HEPH: variants seen among roughly 807,000 people sequenced by gnomAD.
HEPH encodes hephaestin.
HEPH carries 69 observed loss-of-function variants against 80.8 expected under a neutral mutation model. That is an observed-to-expected ratio of 0.85 (90% CI 0.70 to 1.04). The LOEUF is 1.04. Among genes scored for constraint, HEPH ranks in the 50% least tolerant of loss-of-function variants. The pLI, the probability that HEPH is intolerant of heterozygous loss-of-function variation, is 0.00. For synonymous variants in HEPH, 431 were observed against 322.8 expected, an observed-to-expected ratio of 1.34 and a Z score of -3.60; for missense variants, 1,115 against 891.3, an observed-to-expected ratio of 1.25 and a Z score of -3.20.
rs759008542 is a variant in HEPH at position 66,203,533 on chromosome X, C to T, written c.2247C>T (p.Asp749=). The T allele has an allele frequency of 1.3e-5, 16 of 1,210,028 alleles. No homozygotes were observed. The highest frequency in any genetic ancestry group is 1.8e-5 in the Non-Finnish European group (16 of 895,161). The change falls in exon 13 of 21, where the codon GAC becomes GAT. Residue 749 remains aspartate, a synonymous_variant. Coordinates refer to ENST00000343002, the MANE Select transcript of HEPH (RefSeq NM_001367233.3). ...AAGTAGAGTGGGACTATTGCCCTGA[C>T]CGGAGCTGGGAACGGGAATGGCACA... ...AEEVEWDYCP[D]RSWEREWHNQ...
In HEPH at chrX:66,256,416, G is replaced by A. The variant is rs1416382765; in HGVS notation, c.2896+86G>A. Reference sequence around the variant, plus strand: ...TTAATAGGCCTATTGCTACCTAAGGGAACATAATCCCAGAGAGGACACGAA... The same window carrying A: ...TTAATAGGCCTATTGCTACCTAAGGAAACATAATCCCAGAGAGGACACGAA... On this transcript the variant is annotated intron_variant, in intron 17 of 20. Transcript: ENST00000343002. The A allele has an allele frequency of 2.0e-5, 13 of 655,281 alleles. No homozygotes were observed. In the Middle Eastern group the frequency reaches 9.3e-4, roughly 47 times the overall value. 54.0% of individuals were successfully genotyped at this position (655,281 alleles called of 1,213,427 possible). A position where few individuals can be genotyped will look rare whatever the true frequency, so the allele number is the denominator to read the frequency against.
At chrX:66,260,986 C>G (rs1343923676) in intron 19 of HEPH, among the ~76,000 whole-genome samples, 4 of 111,479 alleles carry the variant, frequency 3.6e-5, no homozygotes, top group African/African-American at 1.3e-4. Context: ...CAGGCTGGTT[C>G]TAAACTCTTG....
rs865916948 is a variant in HEPH, at chrX:66,197,841, G to A, written c.1660G>A (p.Val554Met). 8.3e-7 allele frequency: 1 copy of A among 1,209,066 alleles called. No homozygotes were observed. Among genetic ancestry groups the A allele is most frequent in the South Asian group, 1.8e-5 (1 of 56,382 alleles). Residue 554 changes from valine (V) to methionine (M), a missense_variant, in exon 10 of 21, where the codon GTG becomes ATG. Around this residue, in one of 3 missense-constraint regions of HEPH, gnomAD observed 716 missense variants for 523.5 expected, o/e 1.37. Transcript: ENST00000343002. ...DPIRDTNSGLVGPLLVCRAGA... is the reference protein window; with the variant it reads ...DPIRDTNSGLMGPLLVCRAGA... ...CATAAGAGACACAAATTCTGGCCTG[G>A]TGGGCCCGCTGCTGGTGTGCAGGGC...
In HEPH at chrX:66,260,362, C is replaced by T. The variant is rs73630918; in HGVS notation, c.3199+100C>T. ...AGCCTCTTGATTGTCTCCTTCTGAT[C>T]CCACAATAAGCAGGTCTTAAGGCAG... is the stretch of plus-strand genomic sequence containing the variant. On this transcript the variant is annotated intron_variant, in intron 19 of 20. Transcript: ENST00000343002. The T allele has an allele frequency of 2.9e-4, 190 of 663,380 alleles. No homozygotes were observed. In the African/African-American group the frequency reaches 3.7e-3, roughly 13 times the overall value. 54.7% of individuals were successfully genotyped at this position (663,380 alleles called of 1,213,427 possible).
chrX:66,182,042 C>G (rs1390068424), intron 4 of HEPH, among the ~76,000 whole-genome samples: 2 of 106,162 alleles, frequency 1.9e-5, no homozygotes, highest in Non-Finnish European at 3.9e-5. Context: ...GGGCTCTGTT[C>G]TGTTCCATTG....
intron 20 of HEPH, among the ~76,000 whole-genome samples, chrX:66,264,852 A>T (rs190395374): frequency 0.015 from 1,550 of 106,029 alleles, 32 homozygotes; most frequent in African/African-American, 0.05. Flanking sequence ...TAAATATTTT[A>T]TATATTTTAA....
At chrX:66,197,551 A>T in intron 9 of HEPH, 132 bp from the exon 10 acceptor site, 1 of 499,462 alleles carries the variant, frequency 2.0e-6, no homozygotes, top group African/African-American at 2.3e-5. Context: ...TCTCCTCATT[A>T]TTCAATATTC....
At chrX:66,244,015 C>T (rs1255171678) in intron 15 of HEPH, among the ~76,000 whole-genome samples, 1 of 111,880 alleles carries the variant, frequency 8.9e-6, no homozygotes, top group East Asian at 2.8e-4. Flanking sequence ...GTCTCTTCTG[C>T]CTTGTAGAGT....
intron 15 of HEPH, among the ~76,000 whole-genome samples, chrX:66,224,834 T>C (rs2089810505): frequency 9.1e-6 from 1 of 110,338 alleles, no homozygotes; most frequent in African/African-American, 3.3e-5. Context: ...TCTCTCTCTC[T>C]CTCTTTCTTT....
chrX:66,235,140 G>T (rs2090309308), intron 15 of HEPH, among the ~76,000 whole-genome samples: 1 of 111,392 alleles, frequency 9.0e-6, no homozygotes, highest in African/African-American at 3.3e-5. Context: ...TTTCAATTCT[G>T]TAGGTTTTCA....
chrX:66,231,268 T>A (rs2148010162), intron 15 of HEPH, among the ~76,000 whole-genome samples: 1 of 109,255 alleles, frequency 9.2e-6, no homozygotes, highest in East Asian at 2.9e-4. Flanking sequence ...GGGCTCTTTT[T>A]TGGTTCCATA....
chrX:66,213,026 TTTTA>T (rs1399077769), intron 15 of HEPH, among the ~76,000 whole-genome samples: 39 of 109,718 alleles, frequency 3.6e-4, no homozygotes, highest in Non-Finnish European at 1.3e-4. Context: ...AATTTATTTA[TTTTA>T]TTTATTTATT....
At chrX:66,248,601 G>A (rs754753674) in intron 15 of HEPH, among the ~76,000 whole-genome samples, 2 of 112,196 alleles carry the variant, frequency 1.8e-5, no homozygotes, top group East Asian at 2.8e-4. Context: ...TGTATGCTGA[G>A]GTTGCTAAGA....
chrX:66,258,697 G>A (rs2091260074), intron 17 of HEPH, 143 bp from the exon 18 acceptor site: 2 of 418,735 alleles, frequency 4.8e-6, no homozygotes, highest in Admixed American at 9.6e-5. Context: ...AGGGACAGAT[G>A]GAAAAAAGAT....
intron 13 of HEPH, 80 bp downstream of exon 13, chrX:66,203,657 G>T (rs2088602672): frequency 1.2e-6 from 1 of 853,601 alleles, no homozygotes; most frequent in South Asian, 2.4e-5. Flanking sequence ...GAGATGAGGA[G>T]ACTCTTATCT....
At chrX:66,214,190 A>G (rs2089285027) in intron 15 of HEPH, among the ~76,000 whole-genome samples, 1 of 111,916 alleles carries the variant, frequency 8.9e-6, no homozygotes, top group Admixed American at 9.5e-5. Flanking sequence ...GAGATCACTC[A>G]AGGAGTGAGT....
chrX:66,242,031 T>C (rs916457969), intron 15 of HEPH, among the ~76,000 whole-genome samples: 6 of 107,148 alleles, frequency 5.6e-5, no homozygotes, highest in Non-Finnish European at 1.2e-4. Flanking sequence ...AAAATATATA[T>C]GAGCCAAAAA....
chrX:66,258,583 A>C (rs1456387787), intron 17 of HEPH, among the ~76,000 whole-genome samples: 2 of 111,572 alleles, frequency 1.8e-5, no homozygotes, highest in African/African-American at 3.3e-5. Flanking sequence ...TCTTTGGAGC[A>C]GGAGAGAGTA....
chrX:66,196,913 T>A (rs2088133855), intron 9 of HEPH, among the ~76,000 whole-genome samples: 1 of 111,008 alleles, frequency 9.0e-6, no homozygotes, highest in Admixed American at 9.6e-5. Context: ...TTTTTCAAAT[T>A]TTGTCTATAT....
Sources: allele counts gnomAD v4.1 joint callset (sites outside exome capture counted in the v4.1 genomes callset), GRCh38; gene constraint gnomAD v4.1.1; regional missense constraint gnomAD v4.1.1; transcripts MANE v1.5; gene names NCBI Gene and HGNC (gene_info 2026-07-23, HGNC 2026-07-21).